Variants in TNS1 observed in about 807,000 individuals in gnomAD.
TNS1 encodes tensin 1.
A neutral mutation model predicts 168.6 loss-of-function variants in TNS1; 62 were observed. The ratio of observed to expected loss-of-function variants is 0.37; its 90% CI spans 0.30 to 0.45. TNS1 has a LOEUF of 0.45. Ranked by LOEUF, TNS1 falls within the 20% of genes least tolerant of loss-of-function variation. TNS1 has a pLI of 1.00. For synonymous variants in TNS1, 934 were observed against 933.2 expected, an observed-to-expected ratio of 1.00 and a Z score of -0.02; for missense variants, 2,240 against 2,339.4, an observed-to-expected ratio of 0.96 and a Z score of 0.88.
Position 217,821,896 on chromosome 2 carries a change from G to T in TNS1, c.3416C>A (p.Ala1139Asp). 6.3e-7 allele frequency: 1 copy of T among 1,589,338 alleles called. No homozygotes were observed. Among genetic ancestry groups the T allele is most frequent in the Non-Finnish European group, 8.6e-7 (1 of 1,168,666 alleles). Residue 1139 changes from alanine to aspartate, a missense_variant, in exon 23 of 33, where the codon GCT becomes GAT. Ala to Asp is a moderately radical substitution (Grantham distance 126). Around this residue, in one of 2 missense-constraint regions of TNS1, gnomAD observed 2,131 missense variants for 2,171.2 expected, o/e 0.98. Transcript: ENST00000682258. ...CTCAGAGTCCTGAGCTCGGGGTCCA[G>T]CCACCGCTGTCCGTGCCACAGACTC... ...YVESVARTAV[A>D]GPRAQDSEPK...
chr2:217,908,908 C>G (rs1954012705), intron 4 of TNS1, among the ~76,000 whole-genome samples: 1 of 152,136 alleles, frequency 6.6e-6, no homozygotes, highest in Non-Finnish European at 1.5e-5. Context: ...CCGAGGATGG[C>G]TCTGGAGGAG....
chr2:218,013,714 C>T (rs1958730583), upstream of TNS1, among the ~76,000 whole-genome samples: 1 of 152,158 alleles, frequency 6.6e-6, no homozygotes, highest in African/African-American at 2.4e-5. Flanking sequence ...CCGCACCTCT[C>T]CTCAGCCACA....
At chr2:217,875,283 C>CTGTGGCATAA (rs1162342740) in intron 18 of TNS1, among the ~76,000 whole-genome samples, 1 of 152,178 alleles carries the variant, frequency 6.6e-6, no homozygotes, top group Non-Finnish European at 1.5e-5. Context: ...TCATTTGTCA[C>CTGTGGCATAA]TGTGGCATAA....
chr2:217,992,057 A>G (rs1958379381), intron 1 of TNS1, among the ~76,000 whole-genome samples: 1 of 152,068 alleles, frequency 6.6e-6, no homozygotes, highest in Non-Finnish European at 1.5e-5. Flanking sequence ...TTGAAATCAC[A>G]TATGGGAACA....
In TNS1 at chr2:217,966,308, T is replaced by TGTGCGCGC. The variant is rs372273499; in HGVS notation, c.186+12456_186+12457insGCGCGCAC. Reference sequence around the variant, plus strand: ...GTGTGTGTGTGTGTGTGTGTGTGTGTGCGCGCGCGCGCGTGTGTAAGGAGA... The same window carrying TGTGCGCGC: ...GTGTGTGTGTGTGTGTGTGTGTGTGTGTGCGCGCGCGCGCGCGCGCGTGTGTAAGGAGA... On this transcript the variant is annotated intron_variant, in intron 3 of 32. Transcript: ENST00000682258. Among the ~76,000 whole-genome samples, 7 of 133,746 alleles carry TGTGCGCGC rather than the reference T, an allele frequency of 5.2e-5. No individual in the cohort carries two copies. The East Asian group carries it at 1.4e-3, about 26-fold the overall frequency. 87.7% of individuals were successfully genotyped at this position (133,746 alleles called of 152,430 possible). A position where few individuals can be genotyped will look rare whatever the true frequency, so the allele number is the denominator to read the frequency against.
intron 3 of TNS1, among the ~76,000 whole-genome samples, chr2:217,957,264 G>A (rs1416234069): frequency 1.3e-5 from 2 of 152,134 alleles, no homozygotes; most frequent in African/African-American, 2.4e-5. Context: ...TATGAGATGA[G>A]GTATCCAGTG....
chr2:217,894,594 T>C (rs1312201294), intron 9 of TNS1, among the ~76,000 whole-genome samples: 1 of 150,704 alleles, frequency 6.6e-6, no homozygotes, highest in Non-Finnish European at 1.5e-5. Context: ...GAAGTGGAGG[T>C]TGTAGTGAGC....
intron 18 of TNS1, among the ~76,000 whole-genome samples, chr2:217,856,750 C>T (rs1948186989): frequency 6.6e-6 from 1 of 152,156 alleles, no homozygotes; most frequent in African/African-American, 2.4e-5. Flanking sequence ...AAGCACAGGG[C>T]CTTGGAACCC....
Position 217,848,570 on chromosome 2 carries a change from C to T in TNS1, c.1947G>A (p.Gly649=), listed in dbSNP as rs756473794. The part of the protein sequence containing the change: ...GSMGTLSSLD[G]VTNTSEGGYP... ...AGCCCCCCTCACTGGTGTTGGTGAC[C>T]CCGTCCAGAGAAGAGAGTGTGCCCA... The change falls in exon 19 of 33, where the codon GGG becomes GGA. Residue 649 remains glycine, a synonymous_variant. Transcript: ENST00000682258. 5 of 1,614,146 alleles carry T rather than the reference C, an allele frequency of 3.1e-6. No individual in the cohort carries two copies. In the Admixed American group the frequency reaches 8.3e-5, roughly 27 times the overall value.
In TNS1 at chr2:217,808,651, T is replaced by C. The variant is rs1559138350; in HGVS notation, c.5294A>G (p.Tyr1765Cys). The change falls in exon 31 of 33, where the codon TAC (tyrosine) becomes TGC (cysteine). Residue 1765 changes from tyrosine to cysteine, a missense_variant. By Grantham distance (194) the Tyr-to-Cys change is radical. Transcript: ENST00000682258. ...ACAGAAGGTGACAGTGTTGAGAGGG[T>C]AGTGGCGTCTGAAAAAGAGCCTGCA... The part of the protein sequence containing the change: ...NQRKLFFRRH[Y>C]PLNTVTFCDL... The C allele has an allele frequency of 6.2e-7, 1 of 1,614,038 alleles. No individual in the cohort carries two copies. Among genetic ancestry groups the C allele is most frequent in the Non-Finnish European group, 8.5e-7 (1 of 1,179,956 alleles).
chr2:217,818,025 C>A lies in TNS1; in HGVS notation c.4307G>T (p.Arg1436Leu). ...GCTCTGCCGGGACAGTGTGGGTCTCCGATCCTCCGGGGTAGAATAGCCACC... is the reference window on the plus strand; with the variant it reads ...GCTCTGCCGGGACAGTGTGGGTCTCAGATCCTCCGGGGTAGAATAGCCACC... ...AYGGYSTPED[R>L]RPTLSRQSSA... is the part of the protein sequence containing the mutation. Residue 1436 changes from arginine to leucine, a missense_variant, in exon 24 of 33, where the codon CGG becomes CTG. By Grantham distance (102) the Arg-to-Leu change is moderately radical. Around this residue, in one of 2 missense-constraint regions of TNS1, gnomAD observed 2,131 missense variants for 2,171.2 expected, o/e 0.98. Transcript: ENST00000682258. 1 of 1,598,082 alleles carries A rather than the reference C, an allele frequency of 6.3e-7. No individual in the cohort carries two copies. Among genetic ancestry groups the A allele is most frequent in the East Asian group, 2.3e-5 (1 of 44,222 alleles).
At chr2:218,003,313 C>T (rs1325412972), upstream of TNS1, among the ~76,000 whole-genome samples, 1 of 152,008 alleles carries the variant, frequency 6.6e-6, no homozygotes, top group African/African-American at 2.4e-5. Context: ...CCGCCCCTGG[C>T]AAACCAGCCT....
intron 21 of TNS1, among the ~76,000 whole-genome samples, chr2:217,834,592 G>A (rs1944909481): frequency 6.6e-6 from 1 of 152,144 alleles, no homozygotes. Context: ...GCCTCTGCCT[G>A]GAGGCCAAGG....
intron 32 of TNS1, 136 bp downstream of exon 32, chr2:217,807,939 G>A: frequency 9.6e-7 from 1 of 1,040,890 alleles, no homozygotes; most frequent in Non-Finnish European, 1.4e-6. Context: ...TCACTCGGAA[G>A]CTGAGTGACC....
chr2:217,998,926 CT>C (rs772191927), intron 1 of TNS1, among the ~76,000 whole-genome samples: 10 of 152,200 alleles, frequency 6.6e-5, no homozygotes, highest in Non-Finnish European at 1.5e-4. Context: ...ACCCATCCTG[CT>C]TGCAATCATG....
chr2:217,847,706 C>T lies in TNS1; in HGVS notation c.2811G>A (p.Lys937=), dbSNP rs776527688. 6.2e-7 allele frequency: 1 copy of T among 1,605,574 alleles called. No individual in the cohort carries two copies. Among genetic ancestry groups the T allele is most frequent in the Non-Finnish European group, 8.5e-7 (1 of 1,173,124 alleles). ...CAGGCAAGGAGGAAGAGGCTGGGCT[C>T]TTTGAATGGAAATCCTGGTTAGGCC... is the stretch of plus-strand genomic sequence containing the variant. The part of the protein sequence containing the change: ...LAGPNQDFHS[K]SPASSSLPAF... Residue 937 remains lysine, a synonymous_variant, in exon 19 of 33, where the codon AAG becomes AAA. Coordinates refer to ENST00000682258, the MANE Select transcript of TNS1 (RefSeq NM_001387777.1).
chr2:217,980,621 T>A (rs1377365182), intron 2 of TNS1, among the ~76,000 whole-genome samples: 15 of 152,116 alleles, frequency 9.9e-5, no homozygotes, highest in Non-Finnish European at 1.5e-5. Flanking sequence ...CTGTGGTTTA[T>A]GCGCACCCCA....
chr2:217,914,133 G>T (rs1050566686), intron 4 of TNS1, among the ~76,000 whole-genome samples: 1 of 152,074 alleles, frequency 6.6e-6, no homozygotes, highest in African/African-American at 2.4e-5. Context: ...CAGAAGGCAG[G>T]TTTCCCCAAC....
chr2:217,838,154 C>T (rs2552532), intron 19 of TNS1, among the ~76,000 whole-genome samples: 8,018 of 152,322 alleles, frequency 0.053, 656 homozygotes, highest in African/African-American at 0.18. Context: ...GCTCCTCTGC[C>T]CCCAGCAGCT....
Sources: gnomAD v4.1 joint callset for allele counts (sites outside exome capture counted in the v4.1 genomes callset) on GRCh38, gnomAD v4.1.1 for gene constraint, gnomAD v4.1.1 regional missense constraint, MANE v1.5 for transcripts, NCBI Gene and HGNC (gene_info 2026-07-23, HGNC 2026-07-21) for gene names.